POLE2: variants seen among roughly 807,000 people sequenced by gnomAD.
The protein encoded by POLE2 is DNA polymerase epsilon subunit 2.
A neutral mutation model predicts 79.4 loss-of-function variants in POLE2; 56 were observed. The ratio of observed to expected loss-of-function variants is 0.71; its 90% CI spans 0.57 to 0.88. The LOEUF is 0.88. Among genes scored for constraint, POLE2 ranks in the 40% least tolerant of loss-of-function variants. The probability of loss-of-function intolerance (pLI) is 0.00; values close to 1 mark genes in which losing one functional copy is unlikely to be tolerated. For missense variants in POLE2, 598 were observed against 638.9 expected (o/e 0.94, Z 0.69); for synonymous variants, 212 against 214.0 (o/e 0.99, Z 0.08).
chr14:49,684,538 G>A (rs1886980809), intron 1 of POLE2: 1 of 151,582 alleles, frequency 6.6e-6, no homozygotes, highest in South Asian at 2.1e-4. Flanking sequence ...AAAATCACAT[G>A]AATTTGTGTT....
chr14:49,646,302 GTTTTTTTTTTTTTTTTTTTTTTT>G (rs1162033821), intron 18 of POLE2, among the ~76,000 whole-genome samples: 7 of 84,578 alleles, frequency 8.3e-5, no homozygotes, highest in Admixed American at 2.4e-4. Context: ...TTTTTTGTTG[GTTTTTTTTTTTTTTTTTTTTTTT>G]TTTTTTTTTT....
intron 6 of POLE2, among the ~76,000 whole-genome samples, chr14:49,666,755 A>G (rs1240646007): frequency 6.6e-6 from 1 of 152,168 alleles, no homozygotes; most frequent in Non-Finnish European, 1.5e-5. Context: ...TTCTTTGAAC[A>G]GTACCTTTTG....
At position 49,669,534 on chromosome 14, in the gene POLE2, C is replaced by T. The variant is rs774521998; in HGVS notation, c.482G>A (p.Ser161Asn). The change falls in exon 6 of 19, where the codon AGC becomes AAC. Residue 161 changes from serine to asparagine, a missense_variant. By Grantham distance (46) the Ser-to-Asn change is conservative (BLOSUM62 1). Transcript: ENST00000216367. ...GGATAATGTTCTAACCTGGAATTTG[C>T]TTCCGCTTTCATCAGGGTGAGAACC... ...VIGSHPDESG[S>N]KFQLKTIETL... 5.3e-5 allele frequency: 83 copies of T among 1,569,882 alleles called. No homozygotes were observed. The highest frequency in any genetic ancestry group is 6.8e-5 in the Non-Finnish European group (77 of 1,140,048).
At position 49,655,698 on chromosome 14, in the gene POLE2, A is replaced by G. The variant is rs1250612553; in HGVS notation, c.901T>C (p.Leu301=). 1.9e-6 allele frequency: 3 copies of G among 1,607,880 alleles called. No individual in the cohort carries two copies. The highest frequency in any genetic ancestry group is 2.2e-5 in the East Asian group (1 of 44,754). ...GCAAACATTATGCGAAGTTTTTCCA[A>G]TACTTCCACCTGGTCCAACCAAACA... ...SDVWLDQVEV[L]EKLRIMFAGY... The change falls in exon 11 of 19, where the codon TTG becomes CTG. Residue 301 remains leucine, a synonymous_variant. Transcript: ENST00000216367.
intron 15 of POLE2, among the ~76,000 whole-genome samples, chr14:49,653,289 G>A (rs1164222809): frequency 6.6e-6 from 1 of 152,232 alleles, no homozygotes; most frequent in Non-Finnish European, 1.5e-5. Flanking sequence ...GCAAAGGAGT[G>A]AATGTAGGCA....
chr14:49,677,685 TG>T, intron 3 of POLE2: 1 of 1,177,702 alleles, frequency 8.5e-7, no homozygotes, highest in Non-Finnish European at 1.2e-6. Flanking sequence ...CCTTACGAAA[TG>T]GTGTTCAAGA....
chr14:49,679,231 T>C (rs1396037554), intron 3 of POLE2, among the ~76,000 whole-genome samples: 1 of 152,118 alleles, frequency 6.6e-6, no homozygotes, highest in African/African-American at 2.4e-5. Context: ...AAGAGGGATA[T>C]TCAGAGAAAT....
chr14:49,658,928 AG>A (rs948909983), intron 10 of POLE2, among the ~76,000 whole-genome samples: 2 of 152,174 alleles, frequency 1.3e-5, no homozygotes, highest in African/African-American at 4.8e-5. Flanking sequence ...AGCCTCAGGC[AG>A]GTCCTTCAGG....
At position 49,654,215 on chromosome 14, in the gene POLE2, C is replaced by T. The variant is rs368577291; in HGVS notation, c.1074-1G>A. On this transcript the variant is annotated splice_acceptor_variant, in intron 13 of 18. Transcript: ENST00000216367. LOFTEE classifies it high-confidence loss of function. ...ACCAGGTACAAACACAAAACGACTA[C>T]TGTAGCAAAATTCAACACAATTCAT... 2.5e-6 allele frequency: 4 copies of T among 1,602,062 alleles called. No individual in the cohort carries two copies. The African/African-American group carries it at 5.4e-5, about 21-fold the overall frequency.
chr14:49,663,611 G>A (rs758831642), intron 9 of POLE2, among the ~76,000 whole-genome samples: 2 of 152,120 alleles, frequency 1.3e-5, no homozygotes, highest in South Asian at 2.1e-4. Context: ...TCACTTTTCA[G>A]TTTGGCAGTA....
intron 2 of POLE2, among the ~76,000 whole-genome samples, chr14:49,682,325 C>T (rs950125211): frequency 2.7e-5 from 4 of 148,842 alleles, no homozygotes; most frequent in African/African-American, 2.5e-5. Context: ...TTATCACAAG[C>T]GTTATATAAT....
chr14:49,649,220 C>A (rs1884010315), intron 17 of POLE2, among the ~76,000 whole-genome samples: 1 of 138,148 alleles, frequency 7.2e-6, no homozygotes, highest in Non-Finnish European at 1.5e-5. Context: ...GATCTTGGCT[C>A]ACTACAAGCT....
intron 15 of POLE2, 104 bp downstream of exon 15, chr14:49,653,886 C>T (rs1384202523): frequency 1.5e-6 from 1 of 646,786 alleles, no homozygotes; most frequent in African/African-American, 1.9e-5. Context: ...AGCAACCTGC[C>T]TGCCTCGGCC....
intron 5 of POLE2, among the ~76,000 whole-genome samples, chr14:49,671,407 A>G (rs1885880119): frequency 6.6e-6 from 1 of 151,908 alleles, no homozygotes; most frequent in Non-Finnish European, 1.5e-5. Flanking sequence ...TCACGAGGTC[A>G]GGAGATGGAG....
chr14:49,676,759 A>G (rs1886305777), intron 3 of POLE2, among the ~76,000 whole-genome samples: 1 of 152,184 alleles, frequency 6.6e-6, no homozygotes, highest in South Asian at 2.1e-4. Flanking sequence ...GAGCTGCCCA[A>G]AAGTGGGCTG....
intron 10 of POLE2, among the ~76,000 whole-genome samples, chr14:49,662,154 GTTC>G (rs1246702761): frequency 1.3e-5 from 2 of 152,192 alleles, no homozygotes; most frequent in Non-Finnish European, 2.9e-5. Flanking sequence ...TAGGGCTTGT[GTTC>G]TCCTTAGCAA....
Position 49,688,187 on chromosome 14 carries a change from A to G in POLE2, c.17T>C (p.Leu6Pro). ...GAAGGCGGAGAGCGCCCGGCTCCGCAGCCGCTCCGGCGCCATATTTGCGAT... is the reference window on the plus strand; with the variant it reads ...GAAGGCGGAGAGCGCCCGGCTCCGCGGCCGCTCCGGCGCCATATTTGCGAT... MAPERLRSRALSAFKL... is the reference protein window; with the variant it reads MAPERPRSRALSAFKL... The change falls in exon 1 of 19, where the codon CTG becomes CCG. Residue 6 changes from leucine to proline, a missense_variant. Physicochemically the swap from Leu to Pro is moderately conservative, Grantham distance 98 (BLOSUM62 -3). Coordinates refer to ENST00000216367, the MANE Select transcript of POLE2 (RefSeq NM_002692.4). 6.5e-7 allele frequency: 1 copy of G among 1,537,546 alleles called. No individual in the cohort carries two copies. The highest frequency in any genetic ancestry group is 1.2e-5 in the South Asian group (1 of 83,496).
At chr14:49,677,142 G>A (rs542092026) in intron 3 of POLE2, among the ~76,000 whole-genome samples, 87 of 152,304 alleles carry the variant, frequency 5.7e-4, no homozygotes, top group Non-Finnish European at 1.0e-3. Context: ...CCTGTGTCAC[G>A]AGCAGCAGGA....
At chr14:49,664,080 G>A (rs149652421) in intron 9 of POLE2, among the ~76,000 whole-genome samples, 18 of 151,224 alleles carry the variant, frequency 1.2e-4, no homozygotes, top group African/African-American at 3.9e-4. Flanking sequence ...CGGGCATGGT[G>A]GCTCACGCCT....
Sources: allele counts gnomAD v4.1 joint callset (sites outside exome capture counted in the v4.1 genomes callset), GRCh38; gene constraint gnomAD v4.1.1; transcripts MANE v1.5; gene names NCBI Gene and HGNC (gene_info 2026-07-23, HGNC 2026-07-21).